Variants in CDH24 observed in about 807,000 individuals in gnomAD.
CDH24 encodes the protein cadherin 24, also known as cadherin-24.
Under a neutral mutation model 71.2 loss-of-function variants are expected in CDH24, and 61 were observed. The ratio of observed to expected loss-of-function variants is 0.86; its 90% CI spans 0.70 to 1.06. CDH24 has a LOEUF of 1.06. Ranked by LOEUF, CDH24 falls within the 50% of genes least tolerant of loss-of-function variation. The pLI is 0.00. For synonymous variants in CDH24, 440 were observed against 470.2 expected (o/e 0.94, Z 0.83); for missense variants, 961 against 1,083.7 (o/e 0.89, Z 1.59).
rs1379128262 is a variant in CDH24 at position 23,048,240 on chromosome 14, G to A, written c.2086C>T (p.Pro696Ser). The A allele has an allele frequency of 1.1e-5, 15 of 1,364,328 alleles. No homozygotes were observed. The highest frequency in any genetic ancestry group is 6.7e-5 in the East Asian group (2 of 30,006). 84.5% of individuals were successfully genotyped at this position (1,364,328 alleles called of 1,614,324 possible). A position where few individuals can be genotyped will look rare whatever the true frequency, so the allele number is the denominator to read the frequency against. Residue 696 changes from proline (P) to serine (S), a missense_variant, in exon 12 of 13, where the codon CCC (proline) becomes TCC (serine). Pro to Ser is a moderately conservative substitution (Grantham distance 74). This residue lies in a region of CDH24 where 290 missense variants were observed against 272.8 expected (regional missense o/e 1.06). Coordinates refer to ENST00000487137, the MANE Select transcript of CDH24 (RefSeq NM_144985.4). ...TGCGCCACGTCGGCGGGGCCGGGGG[G>A]TCTGGGCTGGCGCGACACCCGGGCC... The part of the protein sequence containing the change: ...PRARVSRQPR[P>S]PGPADVAQLL...
At position 23,049,718 on chromosome 14, in the gene CDH24, G is replaced by A; in HGVS notation, c.1506C>T (p.Ala502=). ...TGTTGCCAACTTCATCTCTGTCCAGGGCCCGGATGACCTGAATCAGCTGGG... is the reference window on the plus strand; with the variant it reads ...TGTTGCCAACTTCATCTCTGTCCAGAGCCCGGATGACCTGAATCAGCTGGG... ...APGQLIQVIR[A]LDRDEVGNSS... The change falls in exon 10 of 13, where the codon GCC becomes GCT. Residue 502 remains alanine (A), a synonymous_variant. Coordinates refer to ENST00000487137, the MANE Select transcript of CDH24 (RefSeq NM_144985.4). 1 of 1,612,362 alleles carries A rather than the reference G, an allele frequency of 6.2e-7. No individual in the cohort carries two copies. Among genetic ancestry groups the A allele is most frequent in the Non-Finnish European group, 8.5e-7 (1 of 1,178,768 alleles).
At chr14:23,053,307 G>A (rs1032341449) in intron 7 of CDH24, among the ~76,000 whole-genome samples, 189 bp downstream of exon 7, 1 of 152,246 alleles carries the variant, frequency 6.6e-6, no homozygotes, top group Non-Finnish European at 1.5e-5. Flanking sequence ...GACGGTTGAG[G>A]AGTGGTCAGC....
chr14:23,048,350 G>C lies in CDH24; in HGVS notation c.1976C>G (p.Ala659Gly). 1 of 1,611,878 alleles carries C rather than the reference G, an allele frequency of 6.2e-7. No homozygotes were observed. Among genetic ancestry groups the C allele is most frequent in the Non-Finnish European group, 8.5e-7 (1 of 1,179,440 alleles). ...GTTCTGCAAGGCCGTGATGTCGAAG[G>C]CCTCGGTGTCCTCCTCGCCGCCGCC... ...DEGGGEEDTE[A>G]FDITALQNPD... is the part of the protein sequence containing the mutation. Residue 659 changes from alanine to glycine, a missense_variant, in exon 12 of 13, where the codon GCC becomes GGC. Around this residue, in one of 2 missense-constraint regions of CDH24, gnomAD observed 290 missense variants for 272.8 expected, o/e 1.06. Coordinates refer to ENST00000487137, the MANE Select transcript of CDH24 (RefSeq NM_144985.4).
chr14:23,053,454 G>C (rs776685659), intron 7 of CDH24, 42 bp downstream of exon 7: 2 of 1,518,208 alleles, frequency 1.3e-6, no homozygotes, highest in South Asian at 2.6e-5. Context: ...GGTGGGAAGA[G>C]CCTGCCATCT....
intron 1 of CDH24, among the ~76,000 whole-genome samples, chr14:23,056,708 G>A (rs2047133884): frequency 6.6e-6 from 1 of 152,154 alleles, no homozygotes; most frequent in Non-Finnish European, 1.5e-5. Context: ...CCTCAGCTTC[G>A]GGGGTGTCAA....
rs1811899742 is a variant in CDH24 at position 23,052,554 on chromosome 14, C to T, written c.1282G>A (p.Glu428Lys). ...PERCFSIQPE[E>K]GTIHTAAPLD... ...GGTGCTGCTGTATGGATGGTGCCTT[C>T]CTCGGGCTGGATAGAGAAGCAACGC... The change falls in exon 8 of 13, where the codon GAA (glutamate) becomes AAA (lysine). Residue 428 changes from glutamate to lysine, a missense_variant. Glu to Lys is a moderately conservative substitution (Grantham distance 56). Transcript: ENST00000487137. 3 of 1,613,976 alleles carry T rather than the reference C, an allele frequency of 1.9e-6. No individual in the cohort carries two copies. Among genetic ancestry groups the T allele is most frequent in the Non-Finnish European group, 2.5e-6 (3 of 1,180,012 alleles).
Position 23,051,626 on chromosome 14 carries a change from A to G in CDH24, c.1363+847T>C, listed in dbSNP as rs2047085674. ...ATTACAGATATATACCCACAAATAT[A>G]TATTTGTGTATATCTACATACTTTC... is the stretch of plus-strand genomic sequence containing the variant. On this transcript the variant is annotated intron_variant, in intron 8 of 12. Transcript: ENST00000487137. This position sits in a 1 kb window ranked among gnomAD's most constrained non-coding sequence, Gnocchi z 4.4. Among the ~76,000 whole-genome samples, 1 of 152,198 alleles carries G rather than the reference A, an allele frequency of 6.6e-6. No homozygotes were observed. The highest frequency in any genetic ancestry group is 6.5e-5 in the Admixed American group (1 of 15,284).
intron 6 of CDH24, among the ~76,000 whole-genome samples, 178 bp from the exon 7 acceptor site, chr14:23,053,927 G>A (rs2047104191): frequency 6.6e-6 from 1 of 152,142 alleles, no homozygotes; most frequent in Non-Finnish European, 1.5e-5. Flanking sequence ...AGATTACTTA[G>A]GAACTCTAGG....
In CDH24 at chr14:23,052,185, G is replaced by T; in HGVS notation, c.1363+288C>A. 3.9e-6 allele frequency: 3 copies of T among 771,734 alleles called. No individual in the cohort carries two copies. In the South Asian group the frequency reaches 4.5e-5, roughly 11 times the overall value. The allele number at this position is 771,734 out of a possible 1,614,324, so 47.8% of individuals were successfully genotyped here. On this transcript the variant is annotated intron_variant, in intron 8 of 12. Coordinates refer to ENST00000487137, the MANE Select transcript of CDH24 (RefSeq NM_144985.4). ...GTTGGGGCAAGTCAGGTAAGGGAAT[G>T]ACTTGAGGGTCAGGAGAATGCTCAG... is the stretch of plus-strand genomic sequence containing the variant.
Position 23,054,572 on chromosome 14 carries a change from ACAGCC to A in CDH24, c.713_717del (p.Gly238ValfsTer66). 1 of 1,613,846 alleles carries A rather than the reference ACAGCC, an allele frequency of 6.2e-7. No homozygotes were observed. The highest frequency in any genetic ancestry group is 1.3e-5 in the African/African-American group (1 of 74,836). ...GTGACAGTCACCGTAGTGCTGCCTG[ACAGCC>A]CCCCCATGTGGCCGCCCATGTCCTT... On this transcript the variant is annotated frameshift_variant, in exon 5 of 13. Transcript: ENST00000487137. LOFTEE classifies it high-confidence loss of function. This position sits in a 1 kb window ranked among gnomAD's most constrained non-coding sequence, Gnocchi z 5.2.
At chr14:23,050,168 A>G in intron 8 of CDH24, 1 of 524,004 alleles carries the variant, frequency 1.9e-6, no homozygotes. Flanking sequence ...GCGATACACA[A>G]TAGACATTCA....
At chr14:23,052,176 T>TA in intron 8 of CDH24, 1 of 795,692 alleles carries the variant, frequency 1.3e-6, no homozygotes, top group African/African-American at 1.7e-5. Flanking sequence ...GCAAGTCAGG[T>TA]AAGGGAATGA....
chr14:23,053,746 G>T lies in CDH24; in HGVS notation c.976C>A (p.Leu326Ile). 6.3e-7 allele frequency: 1 copy of T among 1,596,156 alleles called. No homozygotes were observed. The change falls in exon 7 of 13, where the codon CTA becomes ATA. Residue 326 changes from leucine (L) to isoleucine (I), a missense_variant. Around this residue, in one of 2 missense-constraint regions of CDH24, gnomAD observed 671 missense variants for 810.9 expected, o/e 0.83. Coordinates refer to ENST00000487137, the MANE Select transcript of CDH24 (RefSeq NM_144985.4). ...RDGLLTVRKP[L>I]DFESQRSYSF... is the part of the protein sequence containing the mutation. Reference sequence around the variant, plus strand: ...TAGGAGCGCTGGCTCTCAAAGTCTAGGGGCTATGGTGAGGGGAGAGGGAGA... The same window carrying T: ...TAGGAGCGCTGGCTCTCAAAGTCTATGGGCTATGGTGAGGGGAGAGGGAGA...
intron 11 of CDH24, 49 bp downstream of exon 11, chr14:23,048,978 C>T (rs1260120029): frequency 6.3e-7 from 1 of 1,576,806 alleles, no homozygotes; most frequent in Non-Finnish European, 8.6e-7. Context: ...TTCTCCACAC[C>T]CCTGCAGGCC....
chr14:23,049,759 G>T, intron 9 of CDH24, 21 bp from the exon 10 acceptor site: 1 of 1,612,102 alleles, frequency 6.2e-7, no homozygotes. Flanking sequence ...GAAGAGAGAG[G>T]CCTTGTATGG....
In CDH24 at chr14:23,047,744, G is replaced by A. The variant is rs2047051104; in HGVS notation, c.*236C>T. ...GGGCCAGGGCAGGAAACCCAGGCCC[G>A]GACAGAGGAGCGTGTCACAGATAGA... On this transcript the variant is annotated 3_prime_UTR_variant, in exon 12 of 13. Coordinates refer to ENST00000487137, the MANE Select transcript of CDH24 (RefSeq NM_144985.4). 1 of 347,652 alleles carries A rather than the reference G, an allele frequency of 2.9e-6. No individual in the cohort carries two copies. Among genetic ancestry groups the A allele is most frequent in the Non-Finnish European group, 5.2e-6 (1 of 193,602 alleles). The allele number at this position is 347,652 out of a possible 1,614,324, so 21.5% of individuals were successfully genotyped here.
Position 23,055,899 on chromosome 14 carries a change from C to A in CDH24, c.-124-42G>T, listed in dbSNP as rs1004598424. ...TGCTCAGGCTCAAGGAAACCCCTAG[C>A]CCTCCTCCCCCGCAAAATTAGATGC... On this transcript the variant is annotated intron_variant, in intron 1 of 12. Coordinates refer to ENST00000487137, the MANE Select transcript of CDH24 (RefSeq NM_144985.4). This position sits in a 1 kb window ranked among gnomAD's most constrained non-coding sequence, Gnocchi z 4.1. 3.3e-6 allele frequency: 2 copies of A among 601,404 alleles called. No homozygotes were observed. Among genetic ancestry groups the A allele is most frequent in the African/African-American group, 1.8e-5 (1 of 54,152 alleles). 37.3% of individuals were successfully genotyped at this position (601,404 alleles called of 1,614,324 possible).
Position 23,054,931 on chromosome 14 carries a change from G to GC in CDH24, c.497-66_497-65insG. On this transcript the variant is annotated intron_variant, in intron 3 of 12. Transcript: ENST00000487137. This position sits in a 1 kb window ranked among gnomAD's most constrained non-coding sequence, Gnocchi z 5.2. ...AAGGATGGGGAAGAACAACCGATGG[G>GC]GGGGGATGCAGATACGAGGGAGGCT... The GC allele has an allele frequency of 2.5e-6, 4 of 1,603,992 alleles. No individual in the cohort carries two copies. The highest frequency in any genetic ancestry group is 1.3e-5 in the African/African-American group (1 of 74,782).
In CDH24 at chr14:23,054,047, T is replaced by A; in HGVS notation, c.972+94A>T. 7.6e-7 allele frequency: 1 copy of A among 1,321,156 alleles called. No homozygotes were observed. Among genetic ancestry groups the A allele is most frequent in the Non-Finnish European group, 1.0e-6 (1 of 969,790 alleles). The allele number at this position is 1,321,156 out of a possible 1,614,324, so 81.8% of individuals were successfully genotyped here. A position where few individuals can be genotyped will look rare whatever the true frequency, so the allele number is the denominator to read the frequency against. On this transcript the variant is annotated intron_variant, in intron 6 of 12. Coordinates refer to ENST00000487137, the MANE Select transcript of CDH24 (RefSeq NM_144985.4). This position sits in a 1 kb window ranked among gnomAD's most constrained non-coding sequence, Gnocchi z 5.2. ...TGATCTCTAAGCTCCAACAGAGAGA[T>A]CCTGAGTCTGTTCTAGAAGAACAGT...
Sources: allele counts gnomAD v4.1 joint callset (sites outside exome capture counted in the v4.1 genomes callset), GRCh38; gene constraint gnomAD v4.1.1; regional missense constraint gnomAD v4.1.1; non-coding constraint Gnocchi (gnomAD v3.1); transcripts MANE v1.5; gene names NCBI Gene and HGNC (gene_info 2026-07-23, HGNC 2026-07-21).